JCAD: variants seen among roughly 807,000 people sequenced by gnomAD.
JCAD encodes the protein junctional cadherin 5-associated protein.
A neutral mutation model predicts 98.0 loss-of-function variants in JCAD; 40 were observed. That is an observed-to-expected ratio of 0.41 (90% confidence interval 0.32 to 0.53). The LOEUF is 0.53. Ranked by LOEUF, JCAD falls within the 20% of genes least tolerant of loss-of-function variation. The pLI is 0.31. For synonymous variants in JCAD, 691 were observed against 682.3 expected, an observed-to-expected ratio of 1.01 and a Z score of -0.20; for missense variants, 1,705 against 1,738.1, an observed-to-expected ratio of 0.98 and a Z score of 0.34.
At chr10:30,093,149 C>T (rs182099108) in intron 1 of JCAD, among the ~76,000 whole-genome samples, 2 of 152,164 alleles carry the variant, frequency 1.3e-5, no homozygotes, top group Admixed American at 6.5e-5. Context: ...TTGAGTCTAC[C>T]AATGTGTTTT....
Position 30,014,617 on chromosome 10 carries a change from G to A in JCAD, c.*3266C>T, listed in dbSNP as rs1251865304. 6.6e-6 allele frequency: 1 copy of A among 152,148 alleles called. No homozygotes were observed. The highest frequency in any genetic ancestry group is 6.5e-5 in the Admixed American group (1 of 15,288). The allele number at this position is 152,148 out of a possible 1,614,324, so 9.4% of individuals were successfully genotyped here. On this transcript the variant is annotated 3_prime_UTR_variant, in exon 4 of 4. Coordinates refer to ENST00000375377, the MANE Select transcript of JCAD (RefSeq NM_020848.4). ...TCTTCTATCAGCCCCTTTTGCCTCC[G>A]AGTTGGGAAAGTAGTTGTTTCAACA...
At chr10:30,025,141 A>G (rs965992644) in intron 3 of JCAD, among the ~76,000 whole-genome samples, 1 of 152,090 alleles carries the variant, frequency 6.6e-6, no homozygotes, top group African/African-American at 2.4e-5. Context: ...CTGGGTAGGA[A>G]GAGGGAAGGG....
chr10:30,097,607 C>A (rs113406398), intron 1 of JCAD, among the ~76,000 whole-genome samples: 3,321 of 151,968 alleles, frequency 0.022, 119 homozygotes, highest in African/African-American at 0.074. Context: ...ATTAGCCAGG[C>A]GTAGTGGTGC....
At chr10:30,079,835 G>T (rs568721682) in intron 1 of JCAD, among the ~76,000 whole-genome samples, 1 of 152,318 alleles carries the variant, frequency 6.6e-6, no homozygotes, top group Non-Finnish European at 1.5e-5. Flanking sequence ...ACTTAGAATG[G>T]TTTCTGCAGA....
intron 1 of JCAD, among the ~76,000 whole-genome samples, chr10:30,082,851 CAAAAAA>C (rs57450219): frequency 4.4e-5 from 3 of 68,388 alleles, no homozygotes; most frequent in Admixed American, 2.2e-4. Flanking sequence ...AACTCTGTCT[CAAAAAA>C]AAAAAAAAAA....
intron 1 of JCAD, among the ~76,000 whole-genome samples, chr10:30,093,538 G>T (rs866417800): frequency 6.6e-6 from 1 of 152,208 alleles, no homozygotes; most frequent in Non-Finnish European, 1.5e-5. Context: ...TTGCTGGCTC[G>T]CTGCATTAAT....
At chr10:30,062,784 A>G (rs1589701425), upstream of JCAD, among the ~76,000 whole-genome samples, 1 of 152,042 alleles carries the variant, frequency 6.6e-6, no homozygotes, top group Non-Finnish European at 1.5e-5. Context: ...CATGGGAAAA[A>G]CCCGCGTCCA....
intron 2 of JCAD, among the ~76,000 whole-genome samples, chr10:30,031,968 A>T (rs1837011112): frequency 6.9e-6 from 1 of 145,428 alleles, no homozygotes; most frequent in South Asian, 2.2e-4. Context: ...TTTAGCCGGG[A>T]TGGTCTCGAT....
At chr10:30,025,952 A>G (rs1228408684) in intron 3 of JCAD, 151 bp downstream of exon 3, 2 of 903,204 alleles carry the variant, frequency 2.2e-6, no homozygotes, top group Non-Finnish European at 3.4e-6. Context: ...TAATTCTTCG[A>G]AAATGAGGAA....
chr10:30,037,469 T>G (rs1837139505), intron 2 of JCAD, among the ~76,000 whole-genome samples: 1 of 152,196 alleles, frequency 6.6e-6, no homozygotes, highest in Non-Finnish European at 1.5e-5. Flanking sequence ...GAATTGTAGG[T>G]TGCGCTGGCA....
chr10:30,107,151 A>G (rs979830084), intron 1 of JCAD, among the ~76,000 whole-genome samples: 1 of 152,184 alleles, frequency 6.6e-6, no homozygotes, highest in African/African-American at 2.4e-5. Context: ...GAGCGACTCC[A>G]TCTTGAATAG....
chr10:30,053,429 C>T (rs965555839), intron 1 of JCAD, among the ~76,000 whole-genome samples: 5 of 151,710 alleles, frequency 3.3e-5, no homozygotes, highest in African/African-American at 9.7e-5. Flanking sequence ...GGCGTGGTGG[C>T]GCTCACCTGT....
chr10:30,109,808 G>GCTGATGTATGAACCAC (rs1210246774), intron 1 of JCAD, among the ~76,000 whole-genome samples: 1 of 151,842 alleles, frequency 6.6e-6, no homozygotes, highest in Non-Finnish European at 1.5e-5. Context: ...GTATGGACCT[G>GCTGATGTATGAACCAC]CTGATGTATG....
intron 1 of JCAD, among the ~76,000 whole-genome samples, chr10:30,093,037 A>T (rs1285407374): frequency 1.3e-5 from 2 of 152,320 alleles, no homozygotes; most frequent in East Asian, 3.9e-4. Context: ...TTTGGGATAA[A>T]TTTTAAAATA....
At chr10:30,098,415 T>C (rs896915563) in intron 1 of JCAD, among the ~76,000 whole-genome samples, 1 of 152,030 alleles carries the variant, frequency 6.6e-6, no homozygotes, top group Non-Finnish European at 1.5e-5. Flanking sequence ...CCCCACCACA[T>C]CTAGGCCTGG....
At chr10:30,104,987 A>G (rs1453993811) in intron 1 of JCAD, among the ~76,000 whole-genome samples, 1 of 152,242 alleles carries the variant, frequency 6.6e-6, no homozygotes, top group Non-Finnish European at 1.5e-5. Flanking sequence ...AATTGTCACA[A>G]CATTCCTGCA....
intron 1 of JCAD, among the ~76,000 whole-genome samples, chr10:30,083,691 G>GTT (rs1838122471): frequency 6.6e-6 from 1 of 152,148 alleles, no homozygotes; most frequent in East Asian, 1.9e-4. Flanking sequence ...CAGCACTAGC[G>GTT]TAAGTCAGGC....
intron 2 of JCAD, among the ~76,000 whole-genome samples, chr10:30,069,446 CA>C (rs35069678): frequency 0.67 from 70,455 of 105,638 alleles, 22,743 homozygotes; most frequent in Middle Eastern, 0.77. Flanking sequence ...AGAAAATTTA[CA>C]AAAAAAAAAA....
rs754812033 is a variant in JCAD, at chr10:30,047,631, G to A, written c.182C>T (p.Ala61Val). 9.4e-5 allele frequency: 151 copies of A among 1,613,998 alleles called. No homozygotes were observed. Among genetic ancestry groups the A allele is most frequent in the Non-Finnish European group, 1.2e-4 (146 of 1,180,034 alleles). Residue 61 changes from alanine to valine, a missense_variant, in exon 2 of 4, where the codon GCG (alanine) becomes GTG (valine). Physicochemically the swap from Ala to Val is moderately conservative, Grantham distance 64. Coordinates refer to ENST00000375377, the MANE Select transcript of JCAD (RefSeq NM_020848.4). ...PAALAHRKTS[A>V]GKGHVSDSES... ...GGAGTCACTCACATGTCCTTTCCCCGCGGACGTCTTACGATGTGCGAGGGC... is the reference window on the plus strand; with the variant it reads ...GGAGTCACTCACATGTCCTTTCCCCACGGACGTCTTACGATGTGCGAGGGC...
Sources: gnomAD v4.1 joint callset for allele counts (sites outside exome capture counted in the v4.1 genomes callset) on GRCh38, gnomAD v4.1.1 for gene constraint, MANE v1.5 for transcripts, NCBI Gene and HGNC (gene_info 2026-07-23, HGNC 2026-07-21) for gene names.